BAZ2B: variants seen among roughly 807,000 people sequenced by gnomAD.
BAZ2B encodes the protein bromodomain adjacent to zinc finger domain protein 2B.
In BAZ2B, 91 loss-of-function variants were observed where a neutral mutation model predicts 246.0. The ratio of observed to expected loss-of-function variants is 0.37; its 90% CI spans 0.31 to 0.44. The LOEUF is 0.44. Ranked by LOEUF, BAZ2B falls within the 20% of genes least tolerant of loss-of-function variation. BAZ2B has a pLI of 1.00. For synonymous variants in BAZ2B, 855 were observed against 860.0 expected, an observed-to-expected ratio of 0.99 and a Z score of 0.10; for missense variants, 2,332 against 2,533.7, an observed-to-expected ratio of 0.92 and a Z score of 1.71.
chr2:159,354,912 T>C (rs2058936088), intron 27 of BAZ2B, among the ~76,000 whole-genome samples: 1 of 152,178 alleles, frequency 6.6e-6, no homozygotes, highest in East Asian at 1.9e-4. Context: ...AATGACAAAA[T>C]ATCATTTCCT....
chr2:159,532,422 T>C (rs900083019), intron 2 of BAZ2B, among the ~76,000 whole-genome samples: 1 of 152,114 alleles, frequency 6.6e-6, no homozygotes, highest in Non-Finnish European at 1.5e-5. Context: ...AAAAATGAAT[T>C]AAGGCCTATT....
intron 9 of BAZ2B, among the ~76,000 whole-genome samples, chr2:159,432,478 T>C (rs1039977697): frequency 1.1e-4 from 17 of 152,188 alleles, no homozygotes; most frequent in South Asian, 1.0e-3. Flanking sequence ...GAAATAAAAA[T>C]TAAGCAAGTT....
chr2:159,460,458 A>G (rs1264385911), intron 3 of BAZ2B: 1 of 152,120 alleles, frequency 6.6e-6, no homozygotes, highest in African/African-American at 2.4e-5. Flanking sequence ...TCTGTGTGCT[A>G]AAAGTGTCTT....
At chr2:159,585,916 T>C (rs76382789) in intron 1 of BAZ2B, among the ~76,000 whole-genome samples, 2,324 of 152,328 alleles carry the variant, frequency 0.015, 32 homozygotes, top group East Asian at 0.065. Flanking sequence ...TTCAACTTTA[T>C]TGGCTTAAAT....
chr2:159,526,787 G>C (rs1049307115), intron 2 of BAZ2B, among the ~76,000 whole-genome samples: 7 of 152,110 alleles, frequency 4.6e-5, no homozygotes, highest in African/African-American at 1.4e-4. Flanking sequence ...GTTTAGTAAG[G>C]AGGTGAAACA....
chr2:159,360,998 C>T (rs962213600), intron 27 of BAZ2B, among the ~76,000 whole-genome samples: 4 of 152,118 alleles, frequency 2.6e-5, no homozygotes, highest in African/African-American at 9.7e-5. Context: ...CATAAAAACC[C>T]TAGAACAAAA....
At chr2:159,428,969 A>G (rs1218282076) in intron 11 of BAZ2B, among the ~76,000 whole-genome samples, 1 of 152,030 alleles carries the variant, frequency 6.6e-6, no homozygotes, top group Non-Finnish European at 1.5e-5. Flanking sequence ...TCATGTTCCT[A>G]CTTGGCTGTA....
chr2:159,349,210 A>G lies in BAZ2B; in HGVS notation c.4934T>C (p.Ile1645Thr), dbSNP rs1319381248. Residue 1645 changes from isoleucine (I) to threonine (T), a missense_variant, in exon 29 of 37, where the codon ATT (isoleucine) becomes ACT (threonine). Ile to Thr is a moderately conservative substitution (Grantham distance 89). Coordinates refer to ENST00000392783, the MANE Select transcript of BAZ2B (RefSeq NM_013450.4). ...GWPTGVVTSNIPFTSSVPSLG... is the reference protein window; with the variant it reads ...GWPTGVVTSNTPFTSSVPSLG... ...ACTAGGTACAGATGATGTAAATGGAATATTAGAAGTAACCACACCAGTGGG... is the reference window on the plus strand; with the variant it reads ...ACTAGGTACAGATGATGTAAATGGAGTATTAGAAGTAACCACACCAGTGGG... 5 of 1,614,110 alleles carry G rather than the reference A, an allele frequency of 3.1e-6. No individual in the cohort carries two copies. The South Asian group carries it at 4.4e-5, about 14-fold the overall frequency.
intron 20 of BAZ2B, among the ~76,000 whole-genome samples, chr2:159,390,590 A>G (rs2149596863): frequency 6.6e-6 from 1 of 152,244 alleles, no homozygotes; most frequent in Admixed American, 6.6e-5. Flanking sequence ...GTAAGCAAGC[A>G]CCCTGACTGC....
Position 159,338,269 on chromosome 2 carries a change from T to C in BAZ2B, c.5455-497A>G, listed in dbSNP as rs556397260. On this transcript the variant is annotated intron_variant, in intron 31 of 36. Coordinates refer to ENST00000392783, the MANE Select transcript of BAZ2B (RefSeq NM_013450.4). ...CACCTAGTTAACGCCACTCATTTCA[T>C]AGGTCTCATGTTAAGATTCACTTTA... Among the ~76,000 whole-genome samples the C allele has an allele frequency of 4.9e-4, 75 of 152,320 alleles. 1 individual carries two copies. The South Asian group carries it at 0.015, about 29-fold the overall frequency.
chr2:159,422,741 G>A lies in BAZ2B; in HGVS notation c.2466+5200C>T, dbSNP rs150290188. ...ACAAGTGAGACCTAATTAAACTAGA[G>A]CTTCTGTACAGCAAAAGAAACTATC... On this transcript the variant is annotated intron_variant, in intron 13 of 36. Transcript: ENST00000392783. Among the ~76,000 whole-genome samples the A allele has an allele frequency of 9.5e-3, 1,453 of 152,168 alleles. 15 individuals are homozygous for A. Among genetic ancestry groups the A allele is most frequent in the Non-Finnish European group, 0.016 (1,076 of 68,010 alleles).
chr2:159,563,052 A>G (rs2090033366), intron 1 of BAZ2B, among the ~76,000 whole-genome samples: 1 of 152,220 alleles, frequency 6.6e-6, no homozygotes, highest in Non-Finnish European at 1.5e-5. Flanking sequence ...ATGCAATCTA[A>G]TAATACAGCG....
In BAZ2B at chr2:159,448,224, T is replaced by G; in HGVS notation, c.502+18A>C. On this transcript the variant is annotated intron_variant, in intron 5 of 36. Coordinates refer to ENST00000392783, the MANE Select transcript of BAZ2B (RefSeq NM_013450.4). ...GAATGGAAGATTTATAGTACTTCAC[T>G]TATGTAAATGTGGATACCTTTTTCG... 2 of 1,605,206 alleles carry G rather than the reference T, an allele frequency of 1.2e-6. No individual in the cohort carries two copies. The highest frequency in any genetic ancestry group is 1.7e-4 in the Middle Eastern group (1 of 6,034).
chr2:159,318,603 T>C (rs1162204135), downstream of BAZ2B, among the ~76,000 whole-genome samples: 1 of 152,264 alleles, frequency 6.6e-6, no homozygotes, highest in Admixed American at 6.5e-5. Flanking sequence ...ATTGCATTTC[T>C]TGAATTCTTG....
At chr2:159,670,397 C>T in the BAZ2B span, among the ~76,000 whole-genome samples, 3 of 152,158 alleles carry the variant, frequency 2.0e-5, no homozygotes, top group Non-Finnish European at 4.4e-5. Flanking sequence ...TCACAATATA[C>T]ATCTCTGATC....
chr2:159,621,244 A>G (rs1303863458), upstream of BAZ2B, among the ~76,000 whole-genome samples: 1 of 152,202 alleles, frequency 6.6e-6, no homozygotes, highest in Non-Finnish European at 1.5e-5. Flanking sequence ...ATTGTTTTAA[A>G]TATCTAGAAT....
chr2:159,491,387 T>A (rs1310642910), intron 2 of BAZ2B, among the ~76,000 whole-genome samples: 4 of 152,144 alleles, frequency 2.6e-5, no homozygotes, highest in Non-Finnish European at 5.9e-5. Flanking sequence ...ATAATACTAG[T>A]GTTTGGGAGA....
intron 2 of BAZ2B, among the ~76,000 whole-genome samples, chr2:159,548,783 A>G (rs2087720960): frequency 6.6e-6 from 1 of 152,178 alleles, no homozygotes; most frequent in Non-Finnish European, 1.5e-5. Flanking sequence ...TGGGTGACTG[A>G]GCAAGACCCT....
chr2:159,501,238 A>C (rs2081792764), intron 2 of BAZ2B, among the ~76,000 whole-genome samples: 1 of 120,240 alleles, frequency 8.3e-6, no homozygotes, highest in African/African-American at 3.1e-5. Flanking sequence ...ATATATATAT[A>C]TATAAAGTAG....
Sources: gnomAD v4.1 joint callset for allele counts (sites outside exome capture counted in the v4.1 genomes callset) on GRCh38, gnomAD v4.1.1 for gene constraint, MANE v1.5 for transcripts, NCBI Gene and HGNC (gene_info 2026-07-23, HGNC 2026-07-21) for gene names.